The following TRHDE variants were observed in gnomAD, a reference collection of about 807,000 sequenced individuals.
The protein encoded by TRHDE is thyrotropin-releasing hormone-degrading ectoenzyme.
In TRHDE, 72 loss-of-function variants were observed where a neutral mutation model predicts 125.7. That is an observed-to-expected ratio of 0.57 (90% confidence interval 0.47 to 0.70). TRHDE has a LOEUF of 0.70. TRHDE is among the 30% of genes least tolerant of loss of function. TRHDE has a pLI of 0.00. For synonymous variants in TRHDE, 509 were observed against 509.1 expected, an observed-to-expected ratio of 1.00 and a Z score of 0.00; for missense variants, 1,110 against 1,327.1, an observed-to-expected ratio of 0.84 and a Z score of 2.54.
chr12:72,391,208 CA>C (rs1872600217), intron 3 of TRHDE, among the ~76,000 whole-genome samples: 1 of 152,066 alleles, frequency 6.6e-6, no homozygotes, highest in Non-Finnish European at 1.5e-5. Flanking sequence ...ACTCCTGGCC[CA>C]CCTTTTAGTC....
At chr12:72,366,915 CTAAG>C (rs990666154) in intron 2 of TRHDE, among the ~76,000 whole-genome samples, 7 of 152,014 alleles carry the variant, frequency 4.6e-5, no homozygotes, top group Non-Finnish European at 1.0e-4. Context: ...GTAAAGAAGT[CTAAG>C]TAATCGTTCT....
chr12:72,113,961 G>C (rs1212014663), intron 2 of TRHDE, among the ~76,000 whole-genome samples: 1 of 151,806 alleles, frequency 6.6e-6, no homozygotes, highest in Non-Finnish European at 1.5e-5. Flanking sequence ...AACTCAGCTG[G>C]TTATTTGTTA....
chr12:72,239,336 T>G (rs1878429030), intron 2 of TRHDE, among the ~76,000 whole-genome samples: 1 of 152,206 alleles, frequency 6.6e-6, no homozygotes, highest in Non-Finnish European at 1.5e-5. Flanking sequence ...TTCTGTAGGT[T>G]GCCTGTTCAC....
chr12:72,622,822 T>G (rs1015179759), intron 15 of TRHDE, among the ~76,000 whole-genome samples: 1 of 152,062 alleles, frequency 6.6e-6, no homozygotes, highest in African/African-American at 2.4e-5. Flanking sequence ...CATTATTTAG[T>G]AACTCATAAT....
intron 5 of TRHDE, among the ~76,000 whole-genome samples, chr12:72,490,704 G>A (rs890543261): frequency 6.7e-6 from 1 of 148,650 alleles, no homozygotes; most frequent in Non-Finnish European, 1.5e-5. Context: ...AAGTGAATAA[G>A]CTAGACACAG....
intron 2 of TRHDE, among the ~76,000 whole-genome samples, chr12:72,337,917 C>T (rs1869902518): frequency 6.6e-6 from 1 of 151,996 alleles, no homozygotes; most frequent in South Asian, 2.1e-4. Context: ...GTAGTACTAG[C>T]AACACTTTTA....
At chr12:72,661,590 CA>C (rs1194892706) in intron 18 of TRHDE, among the ~76,000 whole-genome samples, 1 of 151,994 alleles carries the variant, frequency 6.6e-6, no homozygotes, top group African/African-American at 2.4e-5. Flanking sequence ...TATATAAGTA[CA>C]AATGTATTCT....
chr12:72,606,239 G>A (rs1864838), intron 12 of TRHDE, among the ~76,000 whole-genome samples: 61,444 of 152,050 alleles, frequency 0.4, 14,424 homozygotes, highest in African/African-American at 0.64. Flanking sequence ...GACTGGTTTC[G>A]GATTTATGAT....
At chr12:72,146,305 T>C (rs1358890845) in intron 2 of TRHDE, among the ~76,000 whole-genome samples, 1 of 152,324 alleles carries the variant, frequency 6.6e-6, no homozygotes, top group Non-Finnish European at 1.5e-5. Context: ...TTGCAGAAAC[T>C]CTCTTCTCTA....
intron 2 of TRHDE, among the ~76,000 whole-genome samples, chr12:72,163,850 C>G (rs56878271): frequency 0.094 from 14,236 of 152,150 alleles, 1,107 homozygotes; most frequent in African/African-American, 0.21. Context: ...GGTGGCTCAT[C>G]CCTGTAATCC....
chr12:72,422,333 T>A (rs1345692039), intron 3 of TRHDE, among the ~76,000 whole-genome samples: 1 of 151,926 alleles, frequency 6.6e-6, no homozygotes, highest in African/African-American at 2.4e-5. Flanking sequence ...ACCATTTAAT[T>A]TTTGCATTCC....
upstream of TRHDE, among the ~76,000 whole-genome samples, chr12:72,268,443 T>C (rs1268097076): frequency 6.6e-6 from 1 of 152,142 alleles, no homozygotes; most frequent in Non-Finnish European, 1.5e-5. Flanking sequence ...AGTCCAGAGC[T>C]GAAAGATACC....
chr12:72,326,107 A>T (rs1869328163), intron 2 of TRHDE, among the ~76,000 whole-genome samples: 1 of 152,178 alleles, frequency 6.6e-6, no homozygotes. Flanking sequence ...TTCCATGTTC[A>T]TGAGAAAAAA....
intron 12 of TRHDE, among the ~76,000 whole-genome samples, chr12:72,589,723 A>C (rs893044630): frequency 6.6e-6 from 1 of 152,072 alleles, no homozygotes; most frequent in Non-Finnish European, 1.5e-5. Context: ...TATTATTCTT[A>C]TAATGTCTTA....
At chr12:72,119,247 C>T (rs1239874735) in intron 2 of TRHDE, among the ~76,000 whole-genome samples, 4 of 152,190 alleles carry the variant, frequency 2.6e-5, no homozygotes, top group Admixed American at 1.3e-4. Flanking sequence ...TTTTCATTAT[C>T]ATTTGTTTCA....
At chr12:72,284,034 A>G (rs944740241) in intron 1 of TRHDE, among the ~76,000 whole-genome samples, 5 of 152,110 alleles carry the variant, frequency 3.3e-5, no homozygotes, top group African/African-American at 4.8e-5. Flanking sequence ...CACTCCAAAA[A>G]TTCAAAATCT....
intron 12 of TRHDE, among the ~76,000 whole-genome samples, chr12:72,605,482 T>C (rs911128633): frequency 2.0e-5 from 3 of 152,124 alleles, no homozygotes. Flanking sequence ...TGAAAGATGG[T>C]TTCAAGTGGA....
At chr12:72,583,180 G>T (rs540444114) in intron 12 of TRHDE, among the ~76,000 whole-genome samples, 3 of 152,170 alleles carry the variant, frequency 2.0e-5, no homozygotes, top group Non-Finnish European at 4.4e-5. Flanking sequence ...AATATTAAAT[G>T]ATTATGAAGT....
Position 72,652,481 on chromosome 12 carries a change from A to G in TRHDE, c.2835A>G (p.Leu945=). The G allele has an allele frequency of 6.2e-7, 1 of 1,604,926 alleles. No homozygotes were observed. The change falls in exon 16 of 19, where the codon TTA becomes TTG. Residue 945 remains leucine (L), a synonymous_variant. Transcript: ENST00000261180. ...EALTCSDDRN[L]LNRLLNLSLN... ...TAACTTGCAGTGATGACAGGAATTT[A>G]TTAAACAGGTAGGCCGACTGATTTT...
Sources: gnomAD v4.1 joint callset for allele counts (sites outside exome capture counted in the v4.1 genomes callset) on GRCh38, gnomAD v4.1.1 for gene constraint, MANE v1.5 for transcripts, NCBI Gene and HGNC (gene_info 2026-07-23, HGNC 2026-07-21) for gene names.